MAN2A1: variants seen among roughly 807,000 people sequenced by gnomAD.
MAN2A1 encodes the protein alpha-mannosidase 2.
MAN2A1 carries 76 observed loss-of-function variants against 142.6 expected under a neutral mutation model. The observed-to-expected ratio is 0.53, with a 90% CI of 0.44 to 0.65. The LOEUF is 0.65. Among genes scored for constraint, MAN2A1 ranks in the 30% least tolerant of loss-of-function variants. The pLI, the probability that MAN2A1 is intolerant of heterozygous loss-of-function variation, is 0.00. For missense variants in MAN2A1, 1,311 were observed against 1,365.1 expected (o/e 0.96, Z 0.62); for synonymous variants, 559 against 473.2 (o/e 1.18, Z -2.35).
intron 7 of MAN2A1, among the ~76,000 whole-genome samples, chr5:109,770,949 T>A (rs1213735900): frequency 6.6e-6 from 1 of 152,218 alleles, no homozygotes; most frequent in African/African-American, 2.4e-5. Context: ...ATAAAGAGTG[T>A]AATTATCTGT....
intron 12 of MAN2A1, among the ~76,000 whole-genome samples, chr5:109,811,800 C>G (rs1475630961): frequency 6.6e-6 from 1 of 152,162 alleles, no homozygotes; most frequent in Non-Finnish European, 1.5e-5. Context: ...TACCATACAG[C>G]ATCTTTCTCT....
intron 10 of MAN2A1, among the ~76,000 whole-genome samples, chr5:109,786,925 A>G (rs1753610498): frequency 6.6e-6 from 1 of 152,074 alleles, no homozygotes; most frequent in African/African-American, 2.4e-5. Context: ...CTGCAGTGTC[A>G]TCAGGCATTC....
At chr5:109,823,603 C>T in intron 15 of MAN2A1, 120 bp from the exon 16 acceptor site, 2 of 605,116 alleles carry the variant, frequency 3.3e-6, no homozygotes, top group Non-Finnish European at 5.8e-6. Flanking sequence ...ATCTGGTTTA[C>T]ACTTAAAATT....
chr5:109,694,880 T>G, intron 1 of MAN2A1, among the ~76,000 whole-genome samples: 1 of 152,196 alleles, frequency 6.6e-6, no homozygotes, highest in East Asian at 1.9e-4. Context: ...TCCTTCCCCT[T>G]CCTTGAGTGC....
At chr5:109,729,154 T>C (rs1417740763) in intron 3 of MAN2A1, among the ~76,000 whole-genome samples, 188 bp from the exon 4 acceptor site, 1 of 152,190 alleles carries the variant, frequency 6.6e-6, no homozygotes, top group Non-Finnish European at 1.5e-5. Context: ...ATTGTTTTAA[T>C]ATTAGTGGGT....
chr5:109,820,365 CAA>C (rs747745160), intron 15 of MAN2A1, 23 bp downstream of exon 15: 1 of 1,588,000 alleles, frequency 6.3e-7, no homozygotes, highest in Non-Finnish European at 8.6e-7. Flanking sequence ...GATGAGATGA[CAA>C]ATGGAATAAA....
intron 4 of MAN2A1, among the ~76,000 whole-genome samples, chr5:109,743,264 A>G (rs750213109): frequency 6.6e-6 from 1 of 152,090 alleles, no homozygotes; most frequent in African/African-American, 2.4e-5. Flanking sequence ...TTCATTTTGC[A>G]TGCTTTTCCA....
intron 20 of MAN2A1, chr5:109,864,519 T>C (rs1252339230): frequency 6.6e-6 from 1 of 152,244 alleles, no homozygotes; most frequent in African/African-American, 2.4e-5. Context: ...TTTAAATAGC[T>C]CTGATATAAA....
rs751930912 is a variant in MAN2A1 at position 109,866,888 on chromosome 5, C to T, written c.3325C>T (p.Leu1109Phe). 1 of 1,610,754 alleles carries T rather than the reference C, an allele frequency of 6.2e-7. No individual in the cohort carries two copies. Among genetic ancestry groups the T allele is most frequent in the Non-Finnish European group, 8.5e-7 (1 of 1,178,090 alleles). The change falls in exon 22 of 22, where the codon CTC (leucine) becomes TTC (phenylalanine). Residue 1109 changes from leucine (L) to phenylalanine (F), a missense_variant. This residue lies in a region of MAN2A1 where 890 missense variants were observed against 920.5 expected (regional missense o/e 0.97). Transcript: ENST00000261483. ...KLLNKFIVES[L>F]TPSSLSLMHS... ...TTTAAACAAGTTTATTGTCGAAAGT[C>T]TCACACCTTCATCACTATCCTTGAT...
chr5:109,821,190 C>G (rs112352280), intron 15 of MAN2A1, among the ~76,000 whole-genome samples: 2,833 of 152,270 alleles, frequency 0.019, 34 homozygotes, highest in Middle Eastern at 0.071. Context: ...TATGCATATC[C>G]TTTTCTCCCC....
intron 3 of MAN2A1, among the ~76,000 whole-genome samples, chr5:109,725,205 G>C (rs934770695): frequency 1.2e-4 from 19 of 152,192 alleles, no homozygotes; most frequent in Admixed American, 3.9e-4. Context: ...TTCTCCTCTT[G>C]CCTGGAGAAA....
chr5:109,787,828 A>G (rs1390605653), intron 10 of MAN2A1, among the ~76,000 whole-genome samples: 4 of 151,884 alleles, frequency 2.6e-5, no homozygotes, highest in Admixed American at 6.6e-5. Context: ...TATGGTGAAA[A>G]CACTTAATGC....
Position 109,776,520 on chromosome 5 carries a change from C to A in MAN2A1, c.1374+1555C>A, listed in dbSNP as rs569098539. On this transcript the variant is annotated intron_variant, in intron 8 of 21. Coordinates refer to ENST00000261483, the MANE Select transcript of MAN2A1 (RefSeq NM_002372.4). ...ATTTTGGTTCATAGAAGCATCTGGT[C>A]TCCTGTCTGACTGAAAAAATTAGAC... is the stretch of plus-strand genomic sequence containing the variant. Among the ~76,000 whole-genome samples, 13 of 152,154 alleles carry A rather than the reference C, an allele frequency of 8.5e-5. No individual in the cohort carries two copies. In the South Asian group the frequency reaches 2.7e-3, roughly 32 times the overall value.
At chr5:109,857,448 G>C (rs1755653479) in intron 20 of MAN2A1, among the ~76,000 whole-genome samples, 1 of 152,170 alleles carries the variant, frequency 6.6e-6, no homozygotes, top group Admixed American at 6.5e-5. Flanking sequence ...ACCCAGCATA[G>C]ATGGTAGAGG....
intron 1 of MAN2A1, among the ~76,000 whole-genome samples, chr5:109,701,782 G>T (rs1750991037): frequency 6.6e-6 from 1 of 152,204 alleles, no homozygotes; most frequent in Non-Finnish European, 1.5e-5. Context: ...TTGATCAAGG[G>T]TAATGATGAG....
chr5:109,808,144 G>A (rs750013121), intron 12 of MAN2A1, among the ~76,000 whole-genome samples: 4 of 152,088 alleles, frequency 2.6e-5, no homozygotes, highest in Non-Finnish European at 5.9e-5. Context: ...AGTGGTAGTG[G>A]CCTGTATATC....
At chr5:109,815,691 C>T (rs1364899522) in intron 12 of MAN2A1, among the ~76,000 whole-genome samples, 2 of 151,902 alleles carry the variant, frequency 1.3e-5, no homozygotes, top group Non-Finnish European at 1.5e-5. Flanking sequence ...TAGTTTTGGC[C>T]CCTGTAGGTA....
intron 4 of MAN2A1, among the ~76,000 whole-genome samples, chr5:109,736,215 A>C (rs1435806029): frequency 2.0e-5 from 3 of 152,222 alleles, no homozygotes. Flanking sequence ...AGACACACTC[A>C]CACAGTGCTA....
intron 15 of MAN2A1, 27 bp downstream of exon 15, chr5:109,820,369 T>TG: frequency 2.5e-6 from 4 of 1,587,758 alleles, no homozygotes; most frequent in Non-Finnish European, 3.4e-6. Flanking sequence ...AGATGACAAA[T>TG]GGAATAAACA....
Sources: allele counts gnomAD v4.1 joint callset (sites outside exome capture counted in the v4.1 genomes callset), GRCh38; gene constraint gnomAD v4.1.1; regional missense constraint gnomAD v4.1.1; transcripts MANE v1.5; gene names NCBI Gene and HGNC (gene_info 2026-07-23, HGNC 2026-07-21).